Variants in PTPRQ observed in about 807,000 individuals in gnomAD.
PTPRQ encodes the protein phosphatidylinositol phosphatase PTPRQ.
PTPRQ carries 199 observed loss-of-function variants against 246.0 expected under a neutral mutation model. The observed-to-expected ratio is 0.81, with a 90% CI of 0.72 to 0.91. The LOEUF is 0.91. Ranked by LOEUF, PTPRQ falls within the 40% of genes least tolerant of loss-of-function variation. PTPRQ has a pLI of 0.00. For synonymous variants in PTPRQ, 869 were observed against 853.2 expected, an observed-to-expected ratio of 1.02 and a Z score of -0.32; for missense variants, 2,624 against 2,528.4, an observed-to-expected ratio of 1.04 and a Z score of -0.81.
intron 33 of PTPRQ, among the ~76,000 whole-genome samples, chr12:80,629,797 A>G (rs1039838693): frequency 6.6e-6 from 1 of 152,244 alleles, no homozygotes; most frequent in African/African-American, 2.4e-5. Context: ...CATGCAAGAC[A>G]GGATGGTGGC....
chr12:80,510,349 T>C lies in PTPRQ; in HGVS notation c.2584T>C (p.Ser862Pro), dbSNP rs1895087299. 1 of 1,549,024 alleles carries C rather than the reference T, an allele frequency of 6.5e-7. No homozygotes were observed. Among genetic ancestry groups the C allele is most frequent in the African/African-American group, 1.4e-5 (1 of 72,938 alleles). Reference protein sequence around the residue: ...DAPDSPPQDFSVKQLSGVTVK... With the variant: ...DAPDSPPQDFPVKQLSGVTVK... ...TCCTGATTCTCCCCCTCAAGACTTC[T>C]CTGTAAAACAGTTGTCTGGTGTCAC... is the stretch of plus-strand genomic sequence containing the variant. The change falls in exon 17 of 45, where the codon TCT becomes CCT. Residue 862 changes from serine (S) to proline (P), a missense_variant. By Grantham distance (74) the Ser-to-Pro change is moderately conservative. Coordinates refer to ENST00000644991, the MANE Select transcript of PTPRQ (RefSeq NM_001145026.2).
chr12:80,660,552 AT>A (rs1900593671), intron 39 of PTPRQ, among the ~76,000 whole-genome samples: 1 of 152,040 alleles, frequency 6.6e-6, no homozygotes, highest in African/African-American at 2.4e-5. Flanking sequence ...AAATACTGTG[AT>A]TTTAGGTATA....
chr12:80,490,985 GGTT>G (rs991706846), intron 9 of PTPRQ, among the ~76,000 whole-genome samples: 1 of 151,844 alleles, frequency 6.6e-6, no homozygotes, highest in African/African-American at 2.4e-5. Flanking sequence ...TAACATTCTG[GGTT>G]GTTACAAAGC....
intron 8 of PTPRQ, among the ~76,000 whole-genome samples, chr12:80,483,121 C>A (rs1188237337): frequency 1.6e-5 from 2 of 122,936 alleles, no homozygotes; most frequent in South Asian, 2.7e-4. Context: ...GACTTGGAAC[C>A]AATCCAAATG....
intron 33 of PTPRQ, among the ~76,000 whole-genome samples, 155 bp from the exon 34 acceptor site, chr12:80,632,037 A>C (rs1899456968): frequency 6.6e-6 from 1 of 152,204 alleles, no homozygotes; most frequent in Non-Finnish European, 1.5e-5. Flanking sequence ...AAGTTAAAAA[A>C]TCTAGGAGAA....
chr12:80,567,172 A>G (rs1035081060), intron 25 of PTPRQ, among the ~76,000 whole-genome samples: 2 of 152,242 alleles, frequency 1.3e-5, no homozygotes, highest in Admixed American at 1.3e-4. Flanking sequence ...TCTAATATGG[A>G]TGTATGAGAA....
chr12:80,557,085 A>G (rs139602291), intron 25 of PTPRQ, among the ~76,000 whole-genome samples: 23 of 152,280 alleles, frequency 1.5e-4, no homozygotes, highest in African/African-American at 5.3e-4. Flanking sequence ...TGAACACTGC[A>G]GAAATCTCTT....
chr12:80,676,556 C>T (rs1204202747), intron 43 of PTPRQ, among the ~76,000 whole-genome samples: 4 of 152,118 alleles, frequency 2.6e-5, no homozygotes, highest in African/African-American at 9.7e-5. Flanking sequence ...ACAGGAGAAT[C>T]GCTTGAAACC....
At chr12:80,535,177 T>C in intron 19 of PTPRQ, 140 bp downstream of exon 19, 1 of 808,652 alleles carries the variant, frequency 1.2e-6, no homozygotes, top group South Asian at 2.5e-5. Flanking sequence ...CCCATTGACA[T>C]AGAAAAATGC....
At chr12:80,669,577 A>G in intron 41 of PTPRQ, 113 bp downstream of exon 41, 2 of 1,366,384 alleles carry the variant, frequency 1.5e-6, no homozygotes, top group Non-Finnish European at 1.9e-6. Context: ...TGTATATTCA[A>G]CAATGCTTTT....
chr12:80,633,637 T>C (rs897687009), intron 34 of PTPRQ, among the ~76,000 whole-genome samples: 2 of 152,348 alleles, frequency 1.3e-5, no homozygotes, highest in Middle Eastern at 3.4e-3. Context: ...TTGACTCTCT[T>C]AAAGCATAAT....
At chr12:80,458,137 A>T (rs1893036816) in intron 4 of PTPRQ, among the ~76,000 whole-genome samples, 1 of 152,108 alleles carries the variant, frequency 6.6e-6, no homozygotes, top group African/African-American at 2.4e-5. Context: ...GTCATTACCA[A>T]ACCAATTTAA....
chr12:80,469,790 C>G (rs932603774), intron 7 of PTPRQ, among the ~76,000 whole-genome samples: 2 of 152,206 alleles, frequency 1.3e-5, no homozygotes, highest in Non-Finnish European at 1.5e-5. Flanking sequence ...ACAGCTACAT[C>G]TTTTCTGTCT....
chr12:80,570,272 A>T (rs1364672825), intron 25 of PTPRQ, among the ~76,000 whole-genome samples: 3 of 152,198 alleles, frequency 2.0e-5, no homozygotes, highest in African/African-American at 7.2e-5. Flanking sequence ...AATAATTGCC[A>T]TTCTAACTGG....
chr12:80,545,117 C>T (rs61951995), intron 23 of PTPRQ, among the ~76,000 whole-genome samples: 6,937 of 152,128 alleles, frequency 0.046, 184 homozygotes, highest in Middle Eastern at 0.078. Flanking sequence ...TTAGCCCTTC[C>T]TAACCAAAAT....
intron 33 of PTPRQ, among the ~76,000 whole-genome samples, chr12:80,629,766 A>C (rs958655117): frequency 2.6e-5 from 4 of 152,182 alleles, no homozygotes; most frequent in African/African-American, 9.7e-5. Context: ...GGATACAGGC[A>C]GACTTGCTAA....
At chr12:80,503,797 A>G (rs1462612056) in intron 14 of PTPRQ, among the ~76,000 whole-genome samples, 1 of 151,752 alleles carries the variant, frequency 6.6e-6, no homozygotes, top group Non-Finnish European at 1.5e-5. Flanking sequence ...TCATTTACTG[A>G]GGATGTGTTG....
chr12:80,616,081 A>T (rs1300665181), intron 29 of PTPRQ, 119 bp from the exon 30 acceptor site: 17 of 199,828 alleles, frequency 8.5e-5, no homozygotes, highest in South Asian at 1.9e-4. Context: ...AATCAGTTTT[A>T]TATATATATA....
In PTPRQ at chr12:80,660,281, C is replaced by A. The variant is rs1308268547; in HGVS notation, c.6192+2220C>A. Among the ~76,000 whole-genome samples, 3 of 151,990 alleles carry A rather than the reference C, an allele frequency of 2.0e-5. No homozygotes were observed. The East Asian group carries it at 5.8e-4, about 29-fold the overall frequency. On this transcript the variant is annotated intron_variant, in intron 39 of 44. Coordinates refer to ENST00000644991, the MANE Select transcript of PTPRQ (RefSeq NM_001145026.2). ...TGGGGAAGAGACAGAGGAGGACCAG[C>A]ATATGGTCTGAGGGATGTATGTTAA...
Sources: gnomAD v4.1 joint callset for allele counts (sites outside exome capture counted in the v4.1 genomes callset) on GRCh38, gnomAD v4.1.1 for gene constraint, MANE v1.5 for transcripts, NCBI Gene and HGNC (gene_info 2026-07-23, HGNC 2026-07-21) for gene names.